Variants in NUDT3 observed in about 807,000 individuals in gnomAD.
NUDT3 encodes the protein diphosphoinositol polyphosphate phosphohydrolase 1.
A neutral mutation model predicts 23.6 loss-of-function variants in NUDT3; 9 were observed. The ratio of observed to expected loss-of-function variants is 0.38; its 90% CI spans 0.23 to 0.66. NUDT3 has a LOEUF of 0.66. NUDT3 is among the 30% of genes least tolerant of loss of function. The pLI, the probability that NUDT3 is intolerant of heterozygous loss-of-function variation, is 0.52. For missense variants in NUDT3, 172 were observed against 218.5 expected (o/e 0.79, Z 1.34); for synonymous variants, 86 against 82.6 (o/e 1.04, Z -0.22).
chr6:34,284,065 G>A lies in NUDT3; in HGVS notation c.*4688C>T, dbSNP rs1763308440. 6.6e-6 allele frequency: 1 copy of A among 152,188 alleles called. No individual in the cohort carries two copies. The highest frequency in any genetic ancestry group is 1.5e-5 in the Non-Finnish European group (1 of 68,052). 9.4% of individuals were successfully genotyped at this position (152,188 alleles called of 1,614,324 possible). On this transcript the variant is annotated 3_prime_UTR_variant, in exon 5 of 5. Coordinates refer to ENST00000607016, the MANE Select transcript of NUDT3 (RefSeq NM_006703.4). ...ATATCCTGGAAGCCTCTGTAGCCTT[G>A]AGGAGATAGGCTCTATCCAACAGGA...
At chr6:34,314,727 G>A (rs773600158) in intron 2 of NUDT3, among the ~76,000 whole-genome samples, 2 of 152,116 alleles carry the variant, frequency 1.3e-5, no homozygotes, top group Non-Finnish European at 2.9e-5. Context: ...AGGGCTTTGG[G>A]AGACACTCCT....
rs1763344816 is a variant in NUDT3, at chr6:34,287,102, C to T, written c.*1651G>A. ...TGAGTAGACAGCAAAATTTAAAGTT[C>T]ACCAACTGATGTTCCCAAAAGTGCT... On this transcript the variant is annotated 3_prime_UTR_variant, in exon 5 of 5. Coordinates refer to ENST00000607016, the MANE Select transcript of NUDT3 (RefSeq NM_006703.4). The T allele has an allele frequency of 6.6e-6, 1 of 152,188 alleles. No individual in the cohort carries two copies. Among genetic ancestry groups the T allele is most frequent in the African/African-American group, 2.4e-5 (1 of 41,440 alleles). The allele number at this position is 152,188 out of a possible 1,614,324, so 9.4% of individuals were successfully genotyped here. A position where few individuals can be genotyped will look rare whatever the true frequency, so the allele number is the denominator to read the frequency against.
rs1013015189 is a variant in NUDT3, at chr6:34,376,246, C to CT, written c.99+16017dup. 1.7e-3 allele frequency among the ~76,000 whole-genome samples: 262 copies of CT among 149,800 alleles called. 3 individuals are homozygous for CT. The highest frequency in any genetic ancestry group is 5.5e-3 in the African/African-American group (226 of 40,960). ...CATCTTCAACCATGAGCTCCTTCAT[C>CT]TTTTTTTTTTCTTTTCTTGAGACAG... On this transcript the variant is annotated intron_variant, in intron 1 of 4. Transcript: ENST00000607016.
intron 1 of NUDT3, among the ~76,000 whole-genome samples, chr6:34,389,479 T>C (rs1765160539): frequency 6.6e-6 from 1 of 152,120 alleles, no homozygotes; most frequent in African/African-American, 2.4e-5. Context: ...AATGGACTAA[T>C]ACACCCTGTC....
chr6:34,304,817 G>A (rs946257294), intron 2 of NUDT3, among the ~76,000 whole-genome samples: 11 of 149,134 alleles, frequency 7.4e-5, no homozygotes, highest in African/African-American at 2.7e-4. Context: ...GCACCATCAT[G>A]CCCAGCTAAT....
rs1763535832 is a variant in NUDT3, at chr6:34,297,760, A to ATATATTTTTTTT, written c.211-2076_211-2075insAAAAAAAATATA. Among the ~76,000 whole-genome samples the ATATATTTTTTTT allele has an allele frequency of 3.5e-4, 19 of 53,620 alleles. 1 individual carries two copies. Among genetic ancestry groups the ATATATTTTTTTT allele is most frequent in the South Asian group, 3.4e-3 (5 of 1,480 alleles). The allele number at this position is 53,620 out of a possible 152,430, so 35.2% of individuals were successfully genotyped here. On this transcript the variant is annotated intron_variant, in intron 2 of 4. Transcript: ENST00000607016. ...ATATATATATATATATATATATATA[A>ATATATTTTTTTT]TTTTTTTTTTTTTTTTAGTAGAGAC...
chr6:34,355,889 A>T (rs1221085352), intron 1 of NUDT3, among the ~76,000 whole-genome samples: 1 of 152,136 alleles, frequency 6.6e-6, no homozygotes, highest in Admixed American at 6.5e-5. Flanking sequence ...GTGCCCAGGG[A>T]AGGCATGGAA....
At chr6:34,373,211 G>A (rs150020734) in intron 1 of NUDT3, among the ~76,000 whole-genome samples, 1 of 150,294 alleles carries the variant, frequency 6.7e-6, no homozygotes. Flanking sequence ...CCCAGGAGAC[G>A]GAGTTTGCAG....
chr6:34,321,741 T>C (rs192603805), intron 2 of NUDT3, among the ~76,000 whole-genome samples: 11 of 152,182 alleles, frequency 7.2e-5, no homozygotes, highest in Admixed American at 7.2e-4. Context: ...TAGAACCTCC[T>C]CAAGTGACAT....
chr6:34,307,771 C>G (rs1050366463), intron 2 of NUDT3, among the ~76,000 whole-genome samples: 1 of 152,030 alleles, frequency 6.6e-6, no homozygotes, highest in Non-Finnish European at 1.5e-5. Flanking sequence ...AGCTATCAAA[C>G]ATGGGAGATA....
chr6:34,355,002 T>C (rs1189893647), intron 1 of NUDT3, among the ~76,000 whole-genome samples: 2 of 152,036 alleles, frequency 1.3e-5, no homozygotes, highest in Non-Finnish European at 2.9e-5. Context: ...TCCCCTCTAA[T>C]TTATATTTCT....
chr6:34,327,255 G>A (rs910543380), intron 2 of NUDT3, among the ~76,000 whole-genome samples: 4 of 152,064 alleles, frequency 2.6e-5, no homozygotes, highest in East Asian at 1.9e-4. Context: ...AAGACAGGCC[G>A]GGCGCGGTGG....
intron 2 of NUDT3, among the ~76,000 whole-genome samples, chr6:34,312,987 C>T (rs150049469): frequency 0.096 from 14,551 of 151,690 alleles, 802 homozygotes; most frequent in Non-Finnish European, 0.12. Flanking sequence ...GCCAACATGG[C>T]GAAACCCCCT....
At position 34,293,452 on chromosome 6, in the gene NUDT3, A is replaced by G. The variant is rs974202952; in HGVS notation, c.339T>C (p.Ile113=). 1.9e-6 allele frequency: 3 copies of G among 1,614,038 alleles called. No homozygotes were observed. Among genetic ancestry groups the G allele is most frequent in the African/African-American group, 2.7e-5 (2 of 74,932 alleles). ...CCAGGCTGTCTGGAGATGGCTTACC[A>G]ATGTTAACTGAATCTTCCCAGTCTT... is the stretch of plus-strand genomic sequence containing the variant. ...VLEDWEDSVN[I]GRKREWFKIE... Residue 113 remains isoleucine, a splice_region_variant and synonymous_variant, in exon 4 of 5, where the codon ATT becomes ATC. Coordinates refer to ENST00000607016, the MANE Select transcript of NUDT3 (RefSeq NM_006703.4).
intron 4 of NUDT3, among the ~76,000 whole-genome samples, chr6:34,290,398 CTTCTTT>C (rs1322369532): frequency 7.1e-6 from 1 of 140,266 alleles, no homozygotes; most frequent in Non-Finnish European, 1.5e-5. Context: ...CCTGCTGCTG[CTTCTTT>C]TTTTTTTTTT....
chr6:34,353,439 TA>T (rs1024877501), intron 1 of NUDT3, among the ~76,000 whole-genome samples: 19 of 107,320 alleles, frequency 1.8e-4, no homozygotes, highest in Non-Finnish European at 3.4e-4. Context: ...AACTCCCAAG[TA>T]TTTTTTTTTT....
intron 2 of NUDT3, among the ~76,000 whole-genome samples, chr6:34,298,303 G>A (rs570935085): frequency 6.6e-6 from 1 of 152,278 alleles, no homozygotes; most frequent in South Asian, 2.1e-4. Flanking sequence ...CAAGGCTGCA[G>A]TGAGCCATGA....
chr6:34,349,244 A>G (rs560712667), intron 1 of NUDT3, among the ~76,000 whole-genome samples: 1 of 152,218 alleles, frequency 6.6e-6, no homozygotes, highest in South Asian at 2.1e-4. Context: ...TCCTGCAGTA[A>G]TTCAGGTTGA....
At chr6:34,293,765 T>A (rs895566342) in intron 3 of NUDT3, among the ~76,000 whole-genome samples, 1 of 152,188 alleles carries the variant, frequency 6.6e-6, no homozygotes, top group African/African-American at 2.4e-5. Context: ...TATTGGTTTT[T>A]CCTCCCCTTC....
Sources: gnomAD v4.1 joint callset for allele counts (sites outside exome capture counted in the v4.1 genomes callset) on GRCh38, gnomAD v4.1.1 for gene constraint, MANE v1.5 for transcripts, NCBI Gene and HGNC (gene_info 2026-07-23, HGNC 2026-07-21) for gene names.